CYRIA: variants seen among roughly 807,000 people sequenced by gnomAD.
The protein encoded by CYRIA is CYFIP-related Rac1 interactor A.
CYRIA carries 15 observed loss-of-function variants against 43.9 expected under a neutral mutation model. The ratio of observed to expected loss-of-function variants is 0.34; its 90% CI spans 0.23 to 0.53. The LOEUF is 0.53. Among genes scored for constraint, CYRIA ranks in the 20% least tolerant of loss-of-function variants. The probability of loss-of-function intolerance (pLI) is 0.94; values close to 1 mark genes in which losing one functional copy is unlikely to be tolerated. For missense variants in CYRIA, 236 were observed against 394.2 expected, an observed-to-expected ratio of 0.60 and a Z score of 3.40; for synonymous variants, 117 against 136.0, an observed-to-expected ratio of 0.86 and a Z score of 0.97.
intron 1 of CYRIA, among the ~76,000 whole-genome samples, chr2:16,634,454 C>T (rs1282354229): frequency 6.6e-6 from 1 of 152,234 alleles, no homozygotes; most frequent in Admixed American, 6.5e-5. Context: ...TCCAGGACCC[C>T]CTTCTGGGGA....
intron 3 of CYRIA, among the ~76,000 whole-genome samples, chr2:16,585,210 A>T (rs1667686065): frequency 6.6e-6 from 1 of 152,118 alleles, no homozygotes; most frequent in Admixed American, 6.5e-5. Flanking sequence ...TTTAGGAAAT[A>T]GGATTTTCAG....
intron 1 of CYRIA, among the ~76,000 whole-genome samples, chr2:16,652,680 A>G (rs1052049184): frequency 6.6e-6 from 1 of 152,136 alleles, no homozygotes; most frequent in East Asian, 1.9e-4. Flanking sequence ...ATCCTGACAC[A>G]CTTTGAGGGT....
At chr2:16,652,889 T>C (rs1670012047) in intron 1 of CYRIA, among the ~76,000 whole-genome samples, 1 of 152,196 alleles carries the variant, frequency 6.6e-6, no homozygotes, top group Non-Finnish European at 1.5e-5. Flanking sequence ...ATCCTGCCCA[T>C]GTGATGCTTG....
chr2:16,619,846 T>C (rs1466121075), intron 2 of CYRIA, among the ~76,000 whole-genome samples: 3 of 152,230 alleles, frequency 2.0e-5, no homozygotes, highest in East Asian at 1.9e-4. Flanking sequence ...CCCTTATTTA[T>C]AGAGTGCAGT....
In CYRIA at chr2:16,551,265, T is replaced by A. The variant is rs1666299111; in HGVS notation, c.*1671A>T. ...CACTAAAGTCCAGAAAGCAATGGAG[T>A]CTTATAGCTCATTCCTGGGATGTTG... On this transcript the variant is annotated 3_prime_UTR_variant, in exon 12 of 12. Transcript: ENST00000381323. 1 of 151,996 alleles carries A rather than the reference T, an allele frequency of 6.6e-6. No individual in the cohort carries two copies. The highest frequency in any genetic ancestry group is 2.4e-5 in the African/African-American group (1 of 41,384). The allele number at this position is 151,996 out of a possible 1,614,324, so 9.4% of individuals were successfully genotyped here. A position where few individuals can be genotyped will look rare whatever the true frequency, so the allele number is the denominator to read the frequency against.
In CYRIA at chr2:16,565,893, T is replaced by C. The variant is rs1240082801; in HGVS notation, c.71-126A>G. ...TCCTGCTGCTCTGGTATTTACTCTT[T>C]AACCTAATAAGCTGCTAGGATGCTA... On this transcript the variant is annotated intron_variant, in intron 3 of 11. Coordinates refer to ENST00000381323, the MANE Select transcript of CYRIA (RefSeq NM_030797.4). 3.6e-5 allele frequency: 32 copies of C among 899,112 alleles called. No homozygotes were observed. The Middle Eastern group carries it at 1.0e-3, about 29-fold the overall frequency. 55.7% of individuals were successfully genotyped at this position (899,112 alleles called of 1,614,324 possible).
intron 3 of CYRIA, among the ~76,000 whole-genome samples, chr2:16,582,437 C>T (rs1018358951): frequency 3.3e-5 from 5 of 152,120 alleles, no homozygotes; most frequent in African/African-American, 4.8e-5. Flanking sequence ...GTTGTGCAAC[C>T]ATCATTACAA....
chr2:16,636,016 T>G (rs1291668392), intron 1 of CYRIA, among the ~76,000 whole-genome samples: 2 of 151,954 alleles, frequency 1.3e-5, no homozygotes, highest in Admixed American at 6.6e-5. Context: ...CAGAATCTGA[T>G]CAGGCTGGCA....
intron 2 of CYRIA, among the ~76,000 whole-genome samples, chr2:16,603,194 C>T (rs1378874128): frequency 1.1e-4 from 16 of 152,180 alleles, no homozygotes; most frequent in Non-Finnish European, 1.5e-5. Flanking sequence ...CCTTGCCCTG[C>T]ACATCCCATC....
intron 1 of CYRIA, among the ~76,000 whole-genome samples, chr2:16,648,103 A>G (rs547031413): frequency 6.6e-6 from 1 of 152,312 alleles, no homozygotes; most frequent in South Asian, 2.1e-4. Context: ...AGACACAGAA[A>G]GGTTAAGTAA....
chr2:16,573,078 T>C (rs1028009959), intron 3 of CYRIA, among the ~76,000 whole-genome samples: 10 of 152,210 alleles, frequency 6.6e-5, no homozygotes, highest in African/African-American at 2.4e-4. Context: ...ACTACTGCCG[T>C]TTCTGCCCGA....
intron 5 of CYRIA, 38 bp downstream of exon 5, chr2:16,563,951 C>A: frequency 6.8e-7 from 1 of 1,477,394 alleles, no homozygotes; most frequent in Non-Finnish European, 9.4e-7. Flanking sequence ...AAACAGAACT[C>A]CGTATGTGGG....
At chr2:16,579,882 CAAACATTAATTAAACATATATGT>C (rs1667488457) in intron 3 of CYRIA, among the ~76,000 whole-genome samples, 1 of 151,670 alleles carries the variant, frequency 6.6e-6, no homozygotes, top group Admixed American at 6.6e-5. Context: ...AGCTCAAATA[CAAACATTAATTAAACATATATGT>C]AAACATTAAT....
In CYRIA at chr2:16,605,091, C is replaced by T. The variant is rs553559323; in HGVS notation, c.-10-16962G>A. Among the ~76,000 whole-genome samples, 8 of 151,342 alleles carry T rather than the reference C, an allele frequency of 5.3e-5. No homozygotes were observed. The East Asian group carries it at 1.4e-3, about 26-fold the overall frequency. On this transcript the variant is annotated intron_variant, in intron 2 of 11. Transcript: ENST00000381323. ...GGCATTCCCCATGGAATACAAGCTG[C>T]TAGAGTCCAGTTGTAAGGCAATTCA...
rs573426157 is a variant in CYRIA, at chr2:16,650,905, T to C, written c.-167+14875A>G. 3.2e-4 allele frequency among the ~76,000 whole-genome samples: 48 copies of C among 152,336 alleles called. No individual in the cohort carries two copies. The highest frequency in any genetic ancestry group is 4.3e-4 in the Non-Finnish European group (29 of 68,032). Reference sequence around the variant, plus strand: ...CTGTTGTTTTAAATTCAAACCTTATTGTTCTTTTTCTTTGCTTTATTATCT... The same window carrying C: ...CTGTTGTTTTAAATTCAAACCTTATCGTTCTTTTTCTTTGCTTTATTATCT... On this transcript the variant is annotated intron_variant, in intron 1 of 11. Coordinates refer to ENST00000381323, the MANE Select transcript of CYRIA (RefSeq NM_030797.4). The surrounding 1 kb of genome is among the most constrained non-coding windows in gnomAD (Gnocchi z 4.1).
Position 16,565,786 on chromosome 2 carries a change from G to A in CYRIA, c.71-19C>T, listed in dbSNP as rs753420184. The A allele has an allele frequency of 4.3e-5, 67 of 1,544,694 alleles. No homozygotes were observed. The highest frequency in any genetic ancestry group is 9.5e-5 in the African/African-American group (7 of 73,546). ...TGAGCATCTAAGAAACAGGGAAACC[G>A]AGAGACAGAGTGCTGGTGTTTACAA... On this transcript the variant is annotated intron_variant, in intron 3 of 11. Transcript: ENST00000381323.
Position 16,564,109 on chromosome 2 carries a change from T to A in CYRIA, c.193-15A>T, listed in dbSNP as rs776784468. On this transcript the variant is annotated splice_polypyrimidine_tract_variant and intron_variant, in intron 4 of 11. Coordinates refer to ENST00000381323, the MANE Select transcript of CYRIA (RefSeq NM_030797.4). Reference sequence around the variant, plus strand: ...TTTTGAATTGCCTGCAAAAACACAGTAGAGCTGACTGTTTAAAAAGAAGTG... The same window carrying A: ...TTTTGAATTGCCTGCAAAAACACAGAAGAGCTGACTGTTTAAAAAGAAGTG... 10 of 1,592,924 alleles carry A rather than the reference T, an allele frequency of 6.3e-6. No individual in the cohort carries two copies. Among genetic ancestry groups the A allele is most frequent in the Admixed American group, 5.1e-5 (3 of 59,070 alleles).
At position 16,654,552 on chromosome 2, in the gene CYRIA, C is replaced by T. The variant is rs571183662; in HGVS notation, c.-167+11228G>A. 5.9e-5 allele frequency among the ~76,000 whole-genome samples: 9 copies of T among 152,110 alleles called. No individual in the cohort carries two copies. The South Asian group carries it at 1.5e-3, about 25-fold the overall frequency. ...CAGTGCGAGCTGTGTGGTATGGAAA[C>T]GTGTAGAAGTTTTAGAGCCAGGCCG... On this transcript the variant is annotated intron_variant, in intron 1 of 11. Coordinates refer to ENST00000381323, the MANE Select transcript of CYRIA (RefSeq NM_030797.4).
intron 2 of CYRIA, among the ~76,000 whole-genome samples, chr2:16,591,236 G>A (rs1667919889): frequency 6.6e-6 from 1 of 152,124 alleles, no homozygotes; most frequent in Admixed American, 6.6e-5. Context: ...AGTAGGGAGA[G>A]TAGGAGAGTA....
Sources: allele counts gnomAD v4.1 joint callset (sites outside exome capture counted in the v4.1 genomes callset), GRCh38; gene constraint gnomAD v4.1.1; non-coding constraint Gnocchi (gnomAD v3.1); transcripts MANE v1.5; gene names NCBI Gene and HGNC (gene_info 2026-07-23, HGNC 2026-07-21).